Variants in FAM234B observed in about 807,000 individuals in gnomAD.
The protein encoded by FAM234B is protein FAM234B.
In FAM234B, 33 loss-of-function variants were observed where a neutral mutation model predicts 69.3. That is an observed-to-expected ratio of 0.48 (90% CI 0.36 to 0.64). The LOEUF (loss-of-function observed/expected upper bound fraction) is 0.64, where lower values mean the gene tolerates loss of function less well. Ranked by LOEUF, FAM234B falls within the 30% of genes least tolerant of loss-of-function variation. FAM234B has a pLI of 0.00. For synonymous variants in FAM234B, 306 were observed against 306.9 expected (o/e 1.00, Z 0.03); for missense variants, 697 against 769.7 (o/e 0.91, Z 1.12).
In FAM234B at chr12:13,066,522, T is replaced by G. The variant is rs1417363216; in HGVS notation, c.853-118T>G. ...CAGGTTTGGCTTTGTGCTTTCCAAC[T>G]TGGGGGAGTGTTTCTGAGCCCGTGG... On this transcript the variant is annotated intron_variant, in intron 5 of 12. Transcript: ENST00000197268. The G allele has an allele frequency of 7.8e-6, 9 of 1,148,212 alleles. No individual in the cohort carries two copies. In the Admixed American group the frequency reaches 1.1e-4, roughly 14 times the overall value. 71.1% of individuals were successfully genotyped at this position (1,148,212 alleles called of 1,614,324 possible).
chr12:13,070,304 G>T (rs1865092020), intron 9 of FAM234B, among the ~76,000 whole-genome samples: 1 of 151,574 alleles, frequency 6.6e-6, no homozygotes, highest in African/African-American at 2.4e-5. Flanking sequence ...ATCTTGAAGT[G>T]CTTGTCTGTT....
chr12:13,074,495 G>C (rs1338371425), intron 10 of FAM234B, among the ~76,000 whole-genome samples: 1 of 152,146 alleles, frequency 6.6e-6, no homozygotes, highest in Non-Finnish European at 1.5e-5. Context: ...GACAGTCTAA[G>C]AGGCAAATAA....
At position 13,066,766 on chromosome 12, in the gene FAM234B, G is replaced by T; in HGVS notation, c.979G>T (p.Val327Phe). Reference protein sequence around the residue: ...PQVYITTNGAVYILFGFGNIQ... With the variant: ...PQVYITTNGAFYILFGFGNIQ... ...GGTTTACATCACCACAAATGGGGCT[G>T]TCTACATCCTGTTTGGCTTTGGTAA... Residue 327 changes from valine (V) to phenylalanine (F), a missense_variant, in exon 6 of 13, where the codon GTC becomes TTC. By Grantham distance (50) the Val-to-Phe change is conservative. Coordinates refer to ENST00000197268, the MANE Select transcript of FAM234B (RefSeq NM_020853.2). The T allele has an allele frequency of 1.2e-6, 2 of 1,613,390 alleles. No individual in the cohort carries two copies.
intron 1 of FAM234B, among the ~76,000 whole-genome samples, chr12:13,051,118 A>C (rs577498292): frequency 6.6e-6 from 1 of 152,208 alleles, no homozygotes; most frequent in Non-Finnish European, 1.5e-5. Flanking sequence ...CACTTTTGCC[A>C]TCATTAACTA....
chr12:13,075,879 CAA>C, intron 10 of FAM234B, 145 bp from the exon 11 acceptor site: 1 of 714,784 alleles, frequency 1.4e-6, no homozygotes, highest in Non-Finnish European at 2.6e-6. Flanking sequence ...GAGTTTCTTT[CAA>C]ACACATTCTT....
At position 13,067,257 on chromosome 12, in the gene FAM234B, G is replaced by A. The variant is rs1865049961; in HGVS notation, c.1103G>A (p.Arg368Gln). 6.2e-6 allele frequency: 10 copies of A among 1,614,022 alleles called. No homozygotes were observed. The highest frequency in any genetic ancestry group is 1.7e-4 in the Middle Eastern group (1 of 6,056). Reference protein sequence around the residue: ...LQIEEPEWEKRRSINLSELID... With the variant: ...LQIEEPEWEKQRSINLSELID... ...ATAGAAGAGCCAGAATGGGAAAAGC[G>A]AAGATCCATCAACCTGTCTGAGCTC... Residue 368 changes from arginine to glutamine, a missense_variant, in exon 7 of 13, where the codon CGA (arginine) becomes CAA (glutamine). Transcript: ENST00000197268. The surrounding 1 kb of genome is among the most constrained non-coding windows in gnomAD (Gnocchi z 4.7).
chr12:13,057,993 ATC>A lies in FAM234B; in HGVS notation c.434-456_434-455del, dbSNP rs1336911486. ...TGGGTGGAGCTGGGCTGATAATTTT[ATC>A]TGTTTGGTTGGAGTAGAGCAGTTAT... On this transcript the variant is annotated intron_variant, in intron 2 of 12. Coordinates refer to ENST00000197268, the MANE Select transcript of FAM234B (RefSeq NM_020853.2). Among the ~76,000 whole-genome samples the A allele has an allele frequency of 3.3e-5, 5 of 152,118 alleles. No homozygotes were observed. The East Asian group carries it at 7.7e-4, about 23-fold the overall frequency.
rs575980428 is a variant in FAM234B, at chr12:13,047,625, C to T, written c.37+3185C>T. 1.7e-3 allele frequency among the ~76,000 whole-genome samples: 259 copies of T among 152,280 alleles called. 1 individual carries two copies. The highest frequency in any genetic ancestry group is 6.2e-3 in the African/African-American group (256 of 41,558). ...ATATTTAAGCAGCATCTTCAGTCTT[C>T]CTAAGAGGAAAAGCAATAGCTGTGG... On this transcript the variant is annotated intron_variant, in intron 1 of 12. Transcript: ENST00000197268.
At chr12:13,069,903 G>A (rs969161073) in intron 9 of FAM234B, among the ~76,000 whole-genome samples, 2 of 152,090 alleles carry the variant, frequency 1.3e-5, no homozygotes, top group Non-Finnish European at 2.9e-5. Context: ...CAGTGCCTGC[G>A]TGTAATTCAA....
chr12:13,068,369 C>T lies in FAM234B; in HGVS notation c.1208C>T (p.Thr403Ile), dbSNP rs762581665. 1.2e-6 allele frequency: 2 copies of T among 1,614,176 alleles called. No homozygotes were observed. The highest frequency in any genetic ancestry group is 1.7e-5 in the Admixed American group (1 of 60,024). Reference protein sequence around the residue: ...PDSNCSNLLITTRQSLVLLRG... With the variant: ...PDSNCSNLLIITRQSLVLLRG... ...TCCAACTGCAGCAACCTTCTGATTA[C>T]AACCAGACAAAGCCTTGTGCTGCTT... The change falls in exon 8 of 13, where the codon ACA becomes ATA. Residue 403 changes from threonine (T) to isoleucine (I), a missense_variant. By Grantham distance (89) the Thr-to-Ile change is moderately conservative. Around this residue, in one of 3 missense-constraint regions of FAM234B, gnomAD observed 313 missense variants for 305.5 expected, o/e 1.02. Transcript: ENST00000197268.
chr12:13,068,334 G>T lies in FAM234B; in HGVS notation c.1173G>T (p.Lys391Asn), dbSNP rs1171150268. 4.5e-5 allele frequency: 72 copies of T among 1,614,054 alleles called. No homozygotes were observed. The highest frequency in any genetic ancestry group is 6.1e-5 in the Non-Finnish European group (72 of 1,180,018). The change falls in exon 8 of 13, where the codon AAG becomes AAT. Residue 391 changes from lysine (K) to asparagine (N), a missense_variant. Transcript: ENST00000197268. ...SDGVELLQMV[K>N]APDSNCSNLL... ...GTGTTGAACTACTCCAGATGGTGAAGGCACCAGATTCCAACTGCAGCAACC... is the reference window on the plus strand; with the variant it reads ...GTGTTGAACTACTCCAGATGGTGAATGCACCAGATTCCAACTGCAGCAACC...
chr12:13,067,036 A>T lies in FAM234B; in HGVS notation c.1001-119A>T. On this transcript the variant is annotated intron_variant, in intron 6 of 12. Coordinates refer to ENST00000197268, the MANE Select transcript of FAM234B (RefSeq NM_020853.2). The surrounding 1 kb of genome is among the most constrained non-coding windows in gnomAD (Gnocchi z 4.7). ...CCTCCCCACTTGTTCCGTGTTGTCC[A>T]GTCTGGGCGGGCTCTGTTAGACCCA... 3 of 1,192,312 alleles carry T rather than the reference A, an allele frequency of 2.5e-6. No homozygotes were observed. Among genetic ancestry groups the T allele is most frequent in the Middle Eastern group, 2.8e-4 (1 of 3,584 alleles). 73.9% of individuals were successfully genotyped at this position (1,192,312 alleles called of 1,614,324 possible).
At position 13,055,660 on chromosome 12, in the gene FAM234B, T is replaced by G; in HGVS notation, c.147T>G (p.Asn49Lys). 6.2e-7 allele frequency: 1 copy of G among 1,614,152 alleles called. No homozygotes were observed. The highest frequency in any genetic ancestry group is 8.5e-7 in the Non-Finnish European group (1 of 1,180,018). Residue 49 changes from asparagine (N) to lysine (K), a missense_variant, in exon 2 of 13, where the codon AAT becomes AAG. Asn to Lys is a moderately conservative substitution (Grantham distance 94). Around this residue, in one of 3 missense-constraint regions of FAM234B, gnomAD observed 380 missense variants for 447.1 expected, o/e 0.85. Coordinates refer to ENST00000197268, the MANE Select transcript of FAM234B (RefSeq NM_020853.2). The part of the protein sequence containing the change: ...LNLQKNGGVK[N>K]GKSPLGEAPE... ...TGCAGAAGAATGGAGGGGTCAAAAA[T>G]GGGAAGAGTCCTTTGGGAGAAGCGC...
In FAM234B at chr12:13,065,659, ATGCC is replaced by A. The variant is rs576350046; in HGVS notation, c.853-980_853-977del. Among the ~76,000 whole-genome samples, 252 of 152,264 alleles carry A rather than the reference ATGCC, an allele frequency of 1.7e-3. 1 individual carries two copies. The highest frequency in any genetic ancestry group is 6.0e-3 in the African/African-American group (249 of 41,544). ...TTTTTTTGAATTTTGAGTTTGTCAT[ATGCC>A]ATATTAGCTATCCCTCTCAGCTTTG... On this transcript the variant is annotated intron_variant, in intron 5 of 12. Coordinates refer to ENST00000197268, the MANE Select transcript of FAM234B (RefSeq NM_020853.2).
At chr12:13,069,739 G>A (rs569413934) in intron 9 of FAM234B, among the ~76,000 whole-genome samples, 4 of 152,316 alleles carry the variant, frequency 2.6e-5, no homozygotes, top group South Asian at 4.1e-4. Flanking sequence ...AGATGAGAAT[G>A]AGGTCGGCTT....
rs1212244911 is a variant in FAM234B, at chr12:13,067,951, A to G, written c.1143-353A>G. 6.6e-6 allele frequency among the ~76,000 whole-genome samples: 1 copy of G among 152,218 alleles called. No homozygotes were observed. The highest frequency in any genetic ancestry group is 1.5e-5 in the Non-Finnish European group (1 of 68,040). On this transcript the variant is annotated intron_variant, in intron 7 of 12. Transcript: ENST00000197268. The surrounding 1 kb of genome is among the most constrained non-coding windows in gnomAD (Gnocchi z 4.7). ...AATGTATGCCATGGGCTGCTGCCCAAGCTCATTGGCAACCTCTGGCCTCCT... is the reference window on the plus strand; with the variant it reads ...AATGTATGCCATGGGCTGCTGCCCAGGCTCATTGGCAACCTCTGGCCTCCT...
At chr12:13,047,357 T>G (rs1006865830) in intron 1 of FAM234B, among the ~76,000 whole-genome samples, 1 of 152,208 alleles carries the variant, frequency 6.6e-6, no homozygotes, top group African/African-American at 2.4e-5. Context: ...TTATGATTTA[T>G]TTTGTTTGTG....
rs772753758 is a variant in FAM234B, at chr12:13,067,413, G to A, written c.1142+117G>A. ...TGGGTAGAGGTTTAGGGGAAACAGT[G>A]CTTATCTTAATTTACCATCTTCTGA... On this transcript the variant is annotated intron_variant, in intron 7 of 12. Transcript: ENST00000197268. The surrounding 1 kb of genome is among the most constrained non-coding windows in gnomAD (Gnocchi z 4.7). The A allele has an allele frequency of 5.7e-6, 6 of 1,061,356 alleles. No individual in the cohort carries two copies. Among genetic ancestry groups the A allele is most frequent in the Non-Finnish European group, 8.3e-6 (6 of 720,766 alleles). The allele number at this position is 1,061,356 out of a possible 1,614,324, so 65.7% of individuals were successfully genotyped here.
chr12:13,078,352 T>G lies in FAM234B; in HGVS notation c.1643-1437T>G, dbSNP rs563667286. Among the ~76,000 whole-genome samples the G allele has an allele frequency of 3.6e-3, 551 of 152,340 alleles. 2 individuals carry two copies. Among genetic ancestry groups the G allele is most frequent in the African/African-American group, 0.013 (528 of 41,580 alleles). ...GACATGAAGTCCTTGCCCATGCCTA[T>G]GTCCTGAATGGTAATGCCTAGGTTT... On this transcript the variant is annotated intron_variant, in intron 11 of 12. Transcript: ENST00000197268.
Sources: allele counts gnomAD v4.1 joint callset (sites outside exome capture counted in the v4.1 genomes callset), GRCh38; gene constraint gnomAD v4.1.1; regional missense constraint gnomAD v4.1.1; non-coding constraint Gnocchi (gnomAD v3.1); transcripts MANE v1.5; gene names NCBI Gene and HGNC (gene_info 2026-07-23, HGNC 2026-07-21).